STAG1: variants seen among roughly 807,000 people sequenced by gnomAD.
STAG1 encodes cohesin subunit SA-1.
STAG1 carries 26 observed loss-of-function variants against 170.9 expected under a neutral mutation model. That is an observed-to-expected ratio of 0.15 (90% CI 0.11 to 0.21). STAG1 has a LOEUF of 0.21. Ranked by LOEUF, STAG1 falls within the 10% of genes least tolerant of loss-of-function variation. The pLI, the probability that STAG1 is intolerant of heterozygous loss-of-function variation, is 1.00. For synonymous variants in STAG1, 514 were observed against 497.7 expected, an observed-to-expected ratio of 1.03 and a Z score of -0.44; for missense variants, 964 against 1,509.5, an observed-to-expected ratio of 0.64 and a Z score of 5.99.
chr3:136,392,460 A>G lies in STAG1; in HGVS notation c.2277+6289T>C, dbSNP rs571486266. On this transcript the variant is annotated intron_variant, in intron 22 of 33. Transcript: ENST00000383202. ...CAATAAAATTACAAATATATTAAAG[A>G]AAAAGCACTAAAGAAAATAAACCAG... Among the ~76,000 whole-genome samples the G allele has an allele frequency of 5.1e-4, 77 of 152,230 alleles. 1 individual carries two copies. The highest frequency in any genetic ancestry group is 1.9e-3 in the South Asian group (9 of 4,812).
At chr3:136,610,167 G>A (rs915668946) in intron 3 of STAG1, among the ~76,000 whole-genome samples, 1 of 152,008 alleles carries the variant, frequency 6.6e-6, no homozygotes, top group Non-Finnish European at 1.5e-5. Context: ...CTCCCAAGTA[G>A]CTGGGACTAC....
chr3:136,367,153 A>G, intron 24 of STAG1, 71 bp from the exon 25 acceptor site: 1 of 1,256,078 alleles, frequency 8.0e-7, no homozygotes, highest in Non-Finnish European at 1.1e-6. Flanking sequence ...GATAATCTGT[A>G]TAATTGAAAA....
intron 22 of STAG1, among the ~76,000 whole-genome samples, chr3:136,377,971 A>G (rs1027490695): frequency 1.3e-5 from 2 of 152,216 alleles, no homozygotes; most frequent in African/African-American, 2.4e-5. Flanking sequence ...ATAGTTAGCT[A>G]TGGAATACTC....
intron 4 of STAG1, among the ~76,000 whole-genome samples, chr3:136,596,172 C>T (rs556654899): frequency 6.6e-6 from 1 of 152,172 alleles, no homozygotes; most frequent in African/African-American, 2.4e-5. Flanking sequence ...TGAAATAGTT[C>T]TGTGGTAAAA....
intron 5 of STAG1, among the ~76,000 whole-genome samples, chr3:136,567,823 C>A (rs1937137842): frequency 6.6e-6 from 1 of 152,202 alleles, no homozygotes; most frequent in Admixed American, 6.5e-5. Context: ...CAGCTTGCCA[C>A]ATACTAAACA....
chr3:136,547,982 C>T (rs1255215645), intron 5 of STAG1, among the ~76,000 whole-genome samples: 1 of 152,158 alleles, frequency 6.6e-6, no homozygotes. Flanking sequence ...AAAAGACTAT[C>T]CTTTCCCTAC....
In STAG1 at chr3:136,422,372, C is replaced by A. The variant is rs762983230; in HGVS notation, c.2037+38G>T. 11 of 1,552,988 alleles carry A rather than the reference C, an allele frequency of 7.1e-6. No individual in the cohort carries two copies. In the South Asian group the frequency reaches 1.2e-4, roughly 18 times the overall value. ...TCAGCTATCTTAAGTAATTCTCAGT[C>A]AATATTATTATATGTACACATTAAC... On this transcript the variant is annotated intron_variant, in intron 19 of 33. Transcript: ENST00000383202.
chr3:136,472,319 T>C (rs1014317473), intron 12 of STAG1, 94 bp downstream of exon 12: 3 of 654,794 alleles, frequency 4.6e-6, no homozygotes, highest in African/African-American at 3.7e-5. Flanking sequence ...GATAAACATA[T>C]ACATAAGGAC....
At chr3:136,474,262 G>GA (rs1296603627) in intron 10 of STAG1, among the ~76,000 whole-genome samples, 4 of 152,174 alleles carry the variant, frequency 2.6e-5, no homozygotes, top group African/African-American at 9.7e-5. Context: ...TCTCTCAAAA[G>GA]ATTTAAAGGG....
intron 1 of STAG1, among the ~76,000 whole-genome samples, chr3:136,717,720 G>A (rs1284162518): frequency 2.0e-5 from 3 of 152,130 alleles, no homozygotes; most frequent in African/African-American, 7.2e-5. Flanking sequence ...ACACAGAAAA[G>A]AGATGATGGA....
intron 13 of STAG1, 31 bp from the exon 14 acceptor site, chr3:136,452,178 T>C: frequency 7.2e-7 from 1 of 1,384,000 alleles, no homozygotes; most frequent in Non-Finnish European, 1.0e-6. Flanking sequence ...ATTGCAAAGT[T>C]ACATGAATAT....
chr3:136,736,791 G>C, intron 1 of STAG1: 2 of 1,590,496 alleles, frequency 1.3e-6, no homozygotes, highest in Non-Finnish European at 1.7e-6. Flanking sequence ...AACAGCTCAG[G>C]ATCATCCTCC....
rs369283998 is a variant in STAG1, at chr3:136,480,987, G to A, written c.903-3575C>T. Among the ~76,000 whole-genome samples the A allele has an allele frequency of 4.2e-4, 58 of 139,618 alleles. No individual in the cohort carries two copies. The East Asian group carries it at 7.1e-3, about 17-fold the overall frequency. 91.6% of individuals were successfully genotyped at this position (139,618 alleles called of 152,430 possible). On this transcript the variant is annotated intron_variant, in intron 9 of 33. Coordinates refer to ENST00000383202, the MANE Select transcript of STAG1 (RefSeq NM_005862.3). ...GCTTAAGGAGATTTTGGGCTGAGACGATGGGGTTTTCTAGATATACAATCA... is the reference window on the plus strand; with the variant it reads ...GCTTAAGGAGATTTTGGGCTGAGACAATGGGGTTTTCTAGATATACAATCA...
rs115057362 is a variant in STAG1 at position 136,504,119 on chromosome 3, C to G, written c.677-1340G>C. On this transcript the variant is annotated intron_variant, in intron 7 of 33. Coordinates refer to ENST00000383202, the MANE Select transcript of STAG1 (RefSeq NM_005862.3). ...ATGTATGCTGTATCTGTATTTCTATCTACACGTATACTCAATTTGTTATTC... is the reference window on the plus strand; with the variant it reads ...ATGTATGCTGTATCTGTATTTCTATGTACACGTATACTCAATTTGTTATTC... Among the ~76,000 whole-genome samples the G allele has an allele frequency of 5.7e-3, 872 of 152,250 alleles. 7 individuals carry two copies. The highest frequency in any genetic ancestry group is 0.02 in the African/African-American group (813 of 41,546).
At chr3:136,517,031 T>C (rs1934412052) in intron 7 of STAG1, among the ~76,000 whole-genome samples, 1 of 152,214 alleles carries the variant, frequency 6.6e-6, no homozygotes, top group African/African-American at 2.4e-5. Flanking sequence ...ATTTCATATG[T>C]CATTTCCTTC....
intron 22 of STAG1, among the ~76,000 whole-genome samples, chr3:136,380,602 A>C (rs1937901042): frequency 6.6e-6 from 1 of 152,108 alleles, no homozygotes; most frequent in South Asian, 2.1e-4. Flanking sequence ...GGATAGATGA[A>C]AGATAAAGCA....
chr3:136,494,815 A>G (rs1576529681), intron 9 of STAG1, among the ~76,000 whole-genome samples: 2 of 152,244 alleles, frequency 1.3e-5, no homozygotes, highest in Admixed American at 1.3e-4. Context: ...AGTTAATAAC[A>G]TCGTGCCTAA....
intron 14 of STAG1, among the ~76,000 whole-genome samples, chr3:136,447,740 C>A (rs930627855): frequency 6.6e-6 from 1 of 151,488 alleles, no homozygotes; most frequent in Non-Finnish European, 1.5e-5. Flanking sequence ...GCCTCAGCCT[C>A]CAGAGTAGCT....
intron 9 of STAG1, among the ~76,000 whole-genome samples, chr3:136,486,750 T>A (rs753053338): frequency 2.0e-5 from 3 of 152,072 alleles, no homozygotes; most frequent in Non-Finnish European, 4.4e-5. Context: ...ACTCTTAGAG[T>A]TAGGTTAATT....
Sources: allele counts gnomAD v4.1 joint callset (sites outside exome capture counted in the v4.1 genomes callset), GRCh38; gene constraint gnomAD v4.1.1; transcripts MANE v1.5; gene names NCBI Gene and HGNC (gene_info 2026-07-23, HGNC 2026-07-21).